MMP26: variants seen among roughly 807,000 people sequenced by gnomAD.
MMP26 encodes matrix metallopeptidase 26, also known as matrix metalloproteinase-26.
In MMP26, 33 loss-of-function variants were observed where a neutral mutation model predicts 31.0. That is an observed-to-expected ratio of 1.06 (90% confidence interval 0.81 to 1.42). The LOEUF (loss-of-function observed/expected upper bound fraction) is 1.42, where lower values mean the gene tolerates loss of function less well. Ranked by LOEUF, MMP26 falls within the 40% of genes most tolerant of loss-of-function variation. MMP26 has a pLI of 0.00. For synonymous variants in MMP26, 122 were observed against 114.9 expected (o/e 1.06, Z -0.40); for missense variants, 347 against 316.1 (o/e 1.10, Z -0.74).
intron 2 of MMP26, among the ~76,000 whole-genome samples, chr11:4,978,201 CCT>C (rs1846765472): frequency 6.6e-6 from 1 of 152,094 alleles, no homozygotes; most frequent in South Asian, 2.1e-4. Flanking sequence ...GTCAATTAAA[CCT>C]CTTTCGTTTA....
intron 2 of MMP26, among the ~76,000 whole-genome samples, chr11:4,934,294 T>A (rs1851399608): frequency 6.7e-6 from 1 of 149,850 alleles, no homozygotes; most frequent in South Asian, 2.1e-4. Flanking sequence ...TATCTCATAG[T>A]GGTTTTGATT....
intron 5 of MMP26, 121 bp from the exon 6 acceptor site, chr11:4,991,250 T>C: frequency 8.0e-7 from 1 of 1,257,334 alleles, no homozygotes. Flanking sequence ...CTTAGCTCTC[T>C]CACATCCCCC....
intron 2 of MMP26, among the ~76,000 whole-genome samples, chr11:4,846,654 A>G (rs1849872244): frequency 6.6e-6 from 1 of 152,176 alleles, no homozygotes; most frequent in South Asian, 2.1e-4. Context: ...GTATCAAAAC[A>G]TCTCATGTAC....
At chr11:4,937,852 A>C (rs1846150293) in intron 2 of MMP26, 1 of 152,408 alleles carries the variant, frequency 6.6e-6, no homozygotes, top group Non-Finnish European at 1.5e-5. Flanking sequence ...AGTCAGAAGA[A>C]CCCCTGTTTT....
intron 2 of MMP26, chr11:4,882,492 GT>G: frequency 6.2e-7 from 1 of 1,613,760 alleles, no homozygotes; most frequent in East Asian, 2.2e-5. Context: ...TGGATCAGCA[GT>G]TTTTGGGGAC....
intron 1 of MMP26, chr11:4,711,002 A>G (rs890693397): frequency 6.5e-6 from 1 of 152,748 alleles, no homozygotes; most frequent in Non-Finnish European, 1.5e-5. Context: ...TACTTTCCTA[A>G]TTCTTAAAAG....
intron 2 of MMP26, chr11:4,831,985 A>G (rs1849652530): frequency 6.6e-6 from 1 of 152,212 alleles, no homozygotes; most frequent in Non-Finnish European, 1.5e-5. Context: ...AATATATGTT[A>G]TGCTATTTCT....
At chr11:4,899,448 T>C (rs1397474818) in intron 2 of MMP26, among the ~76,000 whole-genome samples, 1 of 152,222 alleles carries the variant, frequency 6.6e-6, no homozygotes, top group African/African-American at 2.4e-5. Flanking sequence ...TCTTCTTTAG[T>C]AAAGACTACA....
chr11:4,910,394 G>T (rs966438336), intron 2 of MMP26, among the ~76,000 whole-genome samples: 1 of 152,082 alleles, frequency 6.6e-6, no homozygotes, highest in African/African-American at 2.4e-5. Context: ...AGTCTGCAAA[G>T]TATCATTTTC....
chr11:4,755,482 A>T (rs1298707709), intron 1 of MMP26, among the ~76,000 whole-genome samples: 1 of 152,070 alleles, frequency 6.6e-6, no homozygotes, highest in Non-Finnish European at 1.5e-5. Context: ...CTATAAAGTA[A>T]CAAGGATTTT....
chr11:4,888,513 G>A (rs903925617), intron 2 of MMP26, among the ~76,000 whole-genome samples: 3 of 151,986 alleles, frequency 2.0e-5, no homozygotes, highest in African/African-American at 7.2e-5. Flanking sequence ...TTTTAGAACA[G>A]CTAATCAAGA....
At chr11:4,724,165 A>G (rs10768206) in intron 1 of MMP26, 261,330 of 546,616 alleles carry the variant, frequency 0.48, 65,953 homozygotes, top group African/African-American at 0.52. Context: ...GGTTACCCTG[A>G]TGGACATGGT....
At chr11:4,804,210 G>T in intron 2 of MMP26, 1 of 1,614,116 alleles carries the variant, frequency 6.2e-7, no homozygotes, top group African/African-American at 1.3e-5. Context: ...GCTCATGCAG[G>T]GTGTGGTCAA....
intron 2 of MMP26, chr11:4,821,318 A>T: frequency 8.0e-7 from 1 of 1,251,040 alleles, no homozygotes. Flanking sequence ...AGAAATAATA[A>T]CTCAGTGAAT....
intron 2 of MMP26, among the ~76,000 whole-genome samples, chr11:4,959,343 A>G (rs1163638088): frequency 6.6e-6 from 1 of 151,864 alleles, no homozygotes; most frequent in Non-Finnish European, 1.5e-5. Flanking sequence ...AGGCCATTAT[A>G]TCCACAGTTG....
chr11:4,727,967 C>A (rs1848125256), intron 1 of MMP26, among the ~76,000 whole-genome samples: 1 of 151,982 alleles, frequency 6.6e-6, no homozygotes, highest in African/African-American at 2.4e-5. Context: ...TGTAAGTGAG[C>A]AGAATATACT....
chr11:4,979,389 G>C (rs1328982845), intron 2 of MMP26, among the ~76,000 whole-genome samples: 1 of 152,140 alleles, frequency 6.6e-6, no homozygotes, highest in Non-Finnish European at 1.5e-5. Flanking sequence ...ACAGTCACTT[G>C]TTTGAGTAAC....
chr11:4,935,301 A>C (rs1396192796), intron 2 of MMP26, among the ~76,000 whole-genome samples: 1 of 151,426 alleles, frequency 6.6e-6, no homozygotes, highest in African/African-American at 2.4e-5. Context: ...CATCCCTTGT[A>C]AGTTGGATTC....
chr11:4,907,499 A>C (rs1386890078), intron 2 of MMP26: 2 of 1,613,828 alleles, frequency 1.2e-6, no homozygotes, highest in South Asian at 1.1e-5. Context: ...GGGCAACTGC[A>C]CCATTCTCTT....
Sources: gnomAD v4.1 joint callset for allele counts (sites outside exome capture counted in the v4.1 genomes callset) on GRCh38, gnomAD v4.1.1 for gene constraint, MANE v1.5 for transcripts, NCBI Gene and HGNC (gene_info 2026-07-23, HGNC 2026-07-21) for gene names.